The following OR51D1 variants were observed in gnomAD, a reference collection of about 807,000 sequenced individuals.
The protein encoded by OR51D1 is olfactory receptor family 51 subfamily D member 1.
For missense variants in OR51D1, 452 were observed against 396.2 expected (o/e 1.14, Z -1.20); for synonymous variants, 187 against 161.1 (o/e 1.16, Z -1.22).
rs751077690 is a variant in OR51D1 at position 4,640,702 on chromosome 11, T to C, written c.912T>C (p.Tyr304=). 6 of 1,614,004 alleles carry C rather than the reference T, an allele frequency of 3.7e-6. No homozygotes were observed. The highest frequency in any genetic ancestry group is 5.1e-6 in the Non-Finnish European group (6 of 1,179,980). Residue 304 remains tyrosine (Y), a synonymous_variant, in exon 2 of 2, where the codon TAT becomes TAC. Coordinates refer to ENST00000641817, the MANE Select transcript of OR51D1 (RefSeq NM_001004751.3). ...CACCTGTAGTCAACCCCCTTGTCTA[T>C]GGAGCCAAGACCAAAGAGATCTGTT... ...LLPPVVNPLV[Y]GAKTKEICSR... is the part of the protein sequence containing the mutation.
chr11:4,639,537 C>A (rs1846935076), intron 1 of OR51D1, among the ~76,000 whole-genome samples: 1 of 152,150 alleles, frequency 6.6e-6, no homozygotes, highest in African/African-American at 2.4e-5. Context: ...ATTCATGGGA[C>A]AGTAATAGAA....
In OR51D1 at chr11:4,640,644, A is replaced by G. The variant is rs1464682515; in HGVS notation, c.854A>G (p.His285Arg). 5 of 1,612,968 alleles carry G rather than the reference A, an allele frequency of 3.1e-6. No homozygotes were observed. Among genetic ancestry groups the G allele is most frequent in the Non-Finnish European group, 3.4e-6 (4 of 1,179,820 alleles). The change falls in exon 2 of 2, where the codon CAT becomes CGT. Residue 285 changes from histidine (H) to arginine (R), a missense_variant. His to Arg is a conservative substitution (Grantham distance 29). Transcript: ENST00000641817. Reference protein sequence around the residue: ...HRLGGPTSLLHVVMANTYLLL... With the variant: ...HRLGGPTSLLRVVMANTYLLL... ...CTGGGTGGTCCCACCTCCCTCCTCC[A>G]TGTGGTTATGGCTAATACCTACTTG...
intron 1 of OR51D1, among the ~76,000 whole-genome samples, chr11:4,638,040 G>C (rs1413990167): frequency 2.0e-5 from 3 of 152,158 alleles, no homozygotes; most frequent in Admixed American, 6.5e-5. Flanking sequence ...TGTGGAAGGT[G>C]GTTTGGAATA....
rs1032780305 is a variant in OR51D1, at chr11:4,642,290, C to T, written c.*1525C>T. The stretch of plus-strand genomic sequence containing the variant: ...ATCCGAGGCACTGGCCTCCCTAAAC[C>T]CTGCCCTCCTGCCTCAATAGCAAGT... On this transcript the variant is annotated 3_prime_UTR_variant, in exon 2 of 2. Coordinates refer to ENST00000641817, the MANE Select transcript of OR51D1 (RefSeq NM_001004751.3). 1.3e-5 allele frequency: 2 copies of T among 152,216 alleles called. No individual in the cohort carries two copies. Among genetic ancestry groups the T allele is most frequent in the Non-Finnish European group, 2.9e-5 (2 of 68,082 alleles). The allele number at this position is 152,216 out of a possible 1,614,324, so 9.4% of individuals were successfully genotyped here.
rs750769779 is a variant in OR51D1, at chr11:4,639,728, T to G, written c.-14-49T>G. ...TTCCTCATTAGTCCTTTCTCTCCTC[T>G]GAGCCACAACTAAATGATGTTTCTA... On this transcript the variant is annotated intron_variant, in intron 1 of 1. Transcript: ENST00000641817. The G allele has an allele frequency of 2.3e-4, 363 of 1,548,324 alleles. 1 individual carries two copies. Among genetic ancestry groups the G allele is most frequent in the South Asian group, 1.0e-3 (84 of 80,960 alleles).
rs928314871 is a variant in OR51D1, at chr11:4,640,649, G to A, written c.859G>A (p.Val287Ile). The A allele has an allele frequency of 1.2e-6, 2 of 1,613,668 alleles. No individual in the cohort carries two copies. Among genetic ancestry groups the A allele is most frequent in the South Asian group, 2.2e-5 (2 of 91,034 alleles). Residue 287 changes from valine (V) to isoleucine (I), a missense_variant, in exon 2 of 2, where the codon GTT (valine) becomes ATT (isoleucine). Coordinates refer to ENST00000641817, the MANE Select transcript of OR51D1 (RefSeq NM_001004751.3). ...TGGTCCCACCTCCCTCCTCCATGTG[G>A]TTATGGCTAATACCTACTTGCTGCT... is the stretch of plus-strand genomic sequence containing the variant. ...LGGPTSLLHV[V>I]MANTYLLLPP...
At position 4,641,471 on chromosome 11, in the gene OR51D1, C is replaced by A. The variant is rs1846967091; in HGVS notation, c.*706C>A. On this transcript the variant is annotated 3_prime_UTR_variant, in exon 2 of 2. Coordinates refer to ENST00000641817, the MANE Select transcript of OR51D1 (RefSeq NM_001004751.3). ...ACATGGAATACGTACTGGTTGTGTCCTGGTGAGTGTGGTAGCTATGTCCTG... is the reference window on the plus strand; with the variant it reads ...ACATGGAATACGTACTGGTTGTGTCATGGTGAGTGTGGTAGCTATGTCCTG... 6.6e-6 allele frequency: 1 copy of A among 152,376 alleles called. No homozygotes were observed. Among genetic ancestry groups the A allele is most frequent in the Non-Finnish European group, 1.5e-5 (1 of 68,110 alleles). The allele number at this position is 152,376 out of a possible 1,614,324, so 9.4% of individuals were successfully genotyped here. A position where few individuals can be genotyped will look rare whatever the true frequency, so the allele number is the denominator to read the frequency against.
At chr11:4,639,102 T>G (rs1846931151) in intron 1 of OR51D1, among the ~76,000 whole-genome samples, 1 of 152,196 alleles carries the variant, frequency 6.6e-6, no homozygotes, top group South Asian at 2.1e-4. Context: ...GGCTTATTGT[T>G]TTTTAAAAAG....
Position 4,642,804 on chromosome 11 carries a change from A to G in OR51D1, c.*2039A>G, listed in dbSNP as rs1197046437. The G allele has an allele frequency of 6.6e-6, 1 of 152,236 alleles. No homozygotes were observed. The highest frequency in any genetic ancestry group is 1.5e-5 in the Non-Finnish European group (1 of 68,042). 9.4% of individuals were successfully genotyped at this position (152,236 alleles called of 1,614,324 possible). On this transcript the variant is annotated 3_prime_UTR_variant, in exon 2 of 2. Transcript: ENST00000641817. ...AGTAGAAGTCCCTTTGGTATTTTTT[A>G]AAGTCTTTGCCATGTCTAAGTTAAT...
rs546710344 is a variant in OR51D1 at position 4,639,696 on chromosome 11, A to G, written c.-14-81A>G. On this transcript the variant is annotated intron_variant, in intron 1 of 1. Coordinates refer to ENST00000641817, the MANE Select transcript of OR51D1 (RefSeq NM_001004751.3). ...CCTGTTTGTTACTGTCACCACTCCAATGCCTTTTCCTCATTAGTCCTTTCT... is the reference window on the plus strand; with the variant it reads ...CCTGTTTGTTACTGTCACCACTCCAGTGCCTTTTCCTCATTAGTCCTTTCT... 9 of 1,334,228 alleles carry G rather than the reference A, an allele frequency of 6.7e-6. No individual in the cohort carries two copies. In the South Asian group the frequency reaches 7.0e-5, roughly 10 times the overall value. 82.6% of individuals were successfully genotyped at this position (1,334,228 alleles called of 1,614,324 possible).
At chr11:4,639,342 C>G (rs1271543818) in intron 1 of OR51D1, among the ~76,000 whole-genome samples, 1 of 152,184 alleles carries the variant, frequency 6.6e-6, no homozygotes. Context: ...GCCTCTAAAT[C>G]TGAACCCAGA....
rs1564874356 is a variant in OR51D1 at position 4,640,418 on chromosome 11, G to A, written c.628G>A (p.Val210Ile). 7 of 1,614,182 alleles carry A rather than the reference G, an allele frequency of 4.3e-6. No individual in the cohort carries two copies. The highest frequency in any genetic ancestry group is 5.9e-6 in the Non-Finnish European group (7 of 1,180,042). Residue 210 changes from valine (V) to isoleucine (I), a missense_variant, in exon 2 of 2, where the codon GTT becomes ATT. Coordinates refer to ENST00000641817, the MANE Select transcript of OR51D1 (RefSeq NM_001004751.3). The part of the protein sequence containing the change: ...LSCTDTRVNV[V>I]YGLFIILSVM... Reference sequence around the variant, plus strand: ...CTGTACTGACACCAGGGTCAATGTGGTTTATGGACTCTTCATCATCCTCTC... The same window carrying A: ...CTGTACTGACACCAGGGTCAATGTGATTTATGGACTCTTCATCATCCTCTC...
rs945903305 is a variant in OR51D1 at position 4,641,863 on chromosome 11, G to A, written c.*1098G>A. ...TACATCTGAATTCTGTGTGCATATT[G>A]TTGGTACTGATGCTATTTTCGTGCA... On this transcript the variant is annotated 3_prime_UTR_variant, in exon 2 of 2. Coordinates refer to ENST00000641817, the MANE Select transcript of OR51D1 (RefSeq NM_001004751.3). 6.6e-6 allele frequency: 1 copy of A among 152,372 alleles called. No homozygotes were observed. The highest frequency in any genetic ancestry group is 1.5e-5 in the Non-Finnish European group (1 of 68,026). The allele number at this position is 152,372 out of a possible 1,614,324, so 9.4% of individuals were successfully genotyped here. A position where few individuals can be genotyped will look rare whatever the true frequency, so the allele number is the denominator to read the frequency against.
chr11:4,638,581 C>T lies in OR51D1; in HGVS notation c.-15+828C>T, dbSNP rs540179577. Among the ~76,000 whole-genome samples, 10 of 152,246 alleles carry T rather than the reference C, an allele frequency of 6.6e-5. No homozygotes were observed. In the South Asian group the frequency reaches 1.7e-3, roughly 25 times the overall value. ...TCCATGACATGCTCCTCTTGCTGAG[C>T]GCAACCTGGGACTGACTCTCACCTG... On this transcript the variant is annotated intron_variant, in intron 1 of 1. Coordinates refer to ENST00000641817, the MANE Select transcript of OR51D1 (RefSeq NM_001004751.3).
intron 1 of OR51D1, chr11:4,639,567 G>A (rs1230004955): frequency 3.8e-5 from 22 of 571,780 alleles, no homozygotes; most frequent in Non-Finnish European, 5.9e-5. Flanking sequence ...GCAGCACTGG[G>A]GCCTTGGAGG....
chr11:4,641,039 A>C lies in OR51D1; in HGVS notation c.*274A>C. 2.7e-6 allele frequency: 1 copy of C among 370,304 alleles called. No individual in the cohort carries two copies. Among genetic ancestry groups the C allele is most frequent in the Non-Finnish European group, 4.9e-6 (1 of 202,112 alleles). The allele number at this position is 370,304 out of a possible 1,614,324, so 22.9% of individuals were successfully genotyped here. On this transcript the variant is annotated 3_prime_UTR_variant, in exon 2 of 2. Transcript: ENST00000641817. ...AAATACATCTAGTTTTGACATGGGG[A>C]GGCTGTAAAGATCACACCTCATGGT...
At chr11:4,638,790 A>T (rs11033127) in intron 1 of OR51D1, among the ~76,000 whole-genome samples, 1 of 98,038 alleles carries the variant, frequency 1.0e-5, no homozygotes, top group East Asian at 1.9e-4. Context: ...TTGTTTGTTT[A>T]TTTGTTTTGT....
chr11:4,641,057 C>T lies in OR51D1; in HGVS notation c.*292C>T, dbSNP rs1846962634. On this transcript the variant is annotated 3_prime_UTR_variant, in exon 2 of 2. Coordinates refer to ENST00000641817, the MANE Select transcript of OR51D1 (RefSeq NM_001004751.3). Reference sequence around the variant, plus strand: ...CATGGGGAGGCTGTAAAGATCACACCTCATGGTTCATTCCAGTTTTGAAGT... The same window carrying T: ...CATGGGGAGGCTGTAAAGATCACACTTCATGGTTCATTCCAGTTTTGAAGT... 9.2e-6 allele frequency: 3 copies of T among 326,496 alleles called. No individual in the cohort carries two copies. Among genetic ancestry groups the T allele is most frequent in the Non-Finnish European group, 5.7e-6 (1 of 176,504 alleles). 20.2% of individuals were successfully genotyped at this position (326,496 alleles called of 1,614,324 possible). A position where few individuals can be genotyped will look rare whatever the true frequency, so the allele number is the denominator to read the frequency against.
rs1412030012 is a variant in OR51D1 at position 4,641,979 on chromosome 11, A to T, written c.*1214A>T. On this transcript the variant is annotated 3_prime_UTR_variant, in exon 2 of 2. Transcript: ENST00000641817. ...GGGGACAGCATCTGTATTTCTGAGC[A>T]TGGATTGATGTGTGGTGTCTGTATG... 2 of 152,610 alleles carry T rather than the reference A, an allele frequency of 1.3e-5. No homozygotes were observed. Among genetic ancestry groups the T allele is most frequent in the Non-Finnish European group, 2.9e-5 (2 of 68,046 alleles). 9.5% of individuals were successfully genotyped at this position (152,610 alleles called of 1,614,324 possible).
Sources: allele counts gnomAD v4.1 joint callset (sites outside exome capture counted in the v4.1 genomes callset), GRCh38; gene constraint gnomAD v4.1.1; transcripts MANE v1.5; gene names NCBI Gene and HGNC (gene_info 2026-07-23, HGNC 2026-07-21).